DOCK2: variants seen among roughly 807,000 people sequenced by gnomAD.
DOCK2 encodes dedicator of cytokinesis protein 2.
A neutral mutation model predicts 248.9 loss-of-function variants in DOCK2; 87 were observed. The observed-to-expected ratio is 0.35, with a 90% CI of 0.29 to 0.42. The LOEUF (loss-of-function observed/expected upper bound fraction) is 0.42. Among genes scored for constraint, DOCK2 ranks in the 10% least tolerant of loss-of-function variants. The pLI is 1.00. For missense variants in DOCK2, 1,747 were observed against 2,300.2 expected, an observed-to-expected ratio of 0.76 and a Z score of 4.92; for synonymous variants, 805 against 821.6, an observed-to-expected ratio of 0.98 and a Z score of 0.35.
intron 27 of DOCK2, among the ~76,000 whole-genome samples, chr5:169,971,287 C>A (rs552619989): frequency 6.6e-6 from 1 of 152,020 alleles, no homozygotes; most frequent in Non-Finnish European, 1.5e-5. Flanking sequence ...AGAGAAGGAG[C>A]CAGCCTGCCG....
At chr5:169,693,900 T>C (rs779472950) in intron 9 of DOCK2, among the ~76,000 whole-genome samples, 5 of 152,222 alleles carry the variant, frequency 3.3e-5, no homozygotes, top group Non-Finnish European at 7.3e-5. Context: ...GCTGGTTGGA[T>C]GAGGCCCACG....
At chr5:169,706,264 T>C (rs922536837) in intron 14 of DOCK2, among the ~76,000 whole-genome samples, 3 of 152,236 alleles carry the variant, frequency 2.0e-5, no homozygotes, top group Admixed American at 1.3e-4. Flanking sequence ...AGTTTCTGAT[T>C]TGGTAAGCTA....
intron 26 of DOCK2, among the ~76,000 whole-genome samples, chr5:169,831,312 C>T (rs760697428): frequency 2.0e-5 from 3 of 152,178 alleles, no homozygotes; most frequent in African/African-American, 4.8e-5. Context: ...TATCTACCTT[C>T]TCCTCCATTG....
intron 27 of DOCK2, among the ~76,000 whole-genome samples, chr5:169,961,996 T>G (rs77017012): frequency 6.0e-3 from 346 of 57,608 alleles, no homozygotes; most frequent in African/African-American, 9.1e-3. Context: ...AAAAAAAAAA[T>G]GGAGAAAAAG....
At chr5:169,875,066 T>G (rs1413959958) in intron 27 of DOCK2, among the ~76,000 whole-genome samples, 1 of 152,174 alleles carries the variant, frequency 6.6e-6, no homozygotes, top group Non-Finnish European at 1.5e-5. Context: ...AAAGATGTAG[T>G]AAGAACTAAA....
chr5:169,919,145 T>C (rs1775038143), intron 27 of DOCK2, among the ~76,000 whole-genome samples: 1 of 152,358 alleles, frequency 6.6e-6, no homozygotes, highest in South Asian at 2.1e-4. Context: ...AAATGTAATT[T>C]AAAACTTAAA....
chr5:169,885,356 A>G (rs1772913190), intron 27 of DOCK2, among the ~76,000 whole-genome samples: 1 of 152,194 alleles, frequency 6.6e-6, no homozygotes, highest in African/African-American at 2.4e-5. Flanking sequence ...GAATTTGTTG[A>G]AAAAGTGGAT....
In DOCK2 at chr5:169,830,442, C is replaced by T. The variant is rs190483927; in HGVS notation, c.2704-10315C>T. 5.9e-4 allele frequency among the ~76,000 whole-genome samples: 90 copies of T among 152,320 alleles called. 1 individual carries two copies. The East Asian group carries it at 0.014, about 24-fold the overall frequency. On this transcript the variant is annotated intron_variant, in intron 26 of 51. Coordinates refer to ENST00000520908, the MANE Select transcript of DOCK2 (RefSeq NM_004946.3). ...ACAAAGCACACAGCCCATTGCCCAG[C>T]ACATAGTAAGAATTCAACAAATTTA...
At chr5:169,815,523 G>T (rs1040964427) in intron 26 of DOCK2, among the ~76,000 whole-genome samples, 5 of 152,146 alleles carry the variant, frequency 3.3e-5, no homozygotes, top group African/African-American at 1.2e-4. Flanking sequence ...GGCATGGCCT[G>T]GGAGGAAGGG....
intron 44 of DOCK2, among the ~76,000 whole-genome samples, chr5:170,065,464 GAAC>G (rs1283459197): frequency 6.8e-6 from 1 of 146,084 alleles, no homozygotes; most frequent in East Asian, 1.9e-4. Flanking sequence ...TAGAGTGACT[GAAC>G]AACAACAACA....
At chr5:170,060,775 T>C (rs1263880231) in intron 44 of DOCK2, among the ~76,000 whole-genome samples, 1 of 152,018 alleles carries the variant, frequency 6.6e-6, no homozygotes, top group African/African-American at 2.4e-5. Flanking sequence ...CTCATGCCTG[T>C]AATCCCAACA....
At chr5:169,827,423 A>G (rs1296859734) in intron 26 of DOCK2, among the ~76,000 whole-genome samples, 3 of 152,184 alleles carry the variant, frequency 2.0e-5, no homozygotes, top group Non-Finnish European at 4.4e-5. Flanking sequence ...TGCTCCCAGG[A>G]ATACGTGCAC....
chr5:169,935,375 C>T (rs1486445124), intron 27 of DOCK2, among the ~76,000 whole-genome samples: 1 of 152,148 alleles, frequency 6.6e-6, no homozygotes, highest in Non-Finnish European at 1.5e-5. Context: ...ATGGAACCAT[C>T]GCAGAGGCCT....
Position 170,041,113 on chromosome 5 carries a change from T to C in DOCK2, c.3724T>C (p.Tyr1242His). The change falls in exon 37 of 52, where the codon TAC becomes CAC. Residue 1242 changes from tyrosine to histidine, a missense_variant. Tyr to His is a moderately conservative substitution (Grantham distance 83). Around this residue, in one of 4 missense-constraint regions of DOCK2, gnomAD observed 858 missense variants for 1,183.5 expected, o/e 0.72. Transcript: ENST00000520908. Reference sequence around the variant, plus strand: ...CTGTGACAATTACACAGAGGCTGCCTACACGCTCCTTCTCCACACCTGGCT... The same window carrying C: ...CTGTGACAATTACACAGAGGCTGCCCACACGCTCCTTCTCCACACCTGGCT... The part of the protein sequence containing the change: ...LDCDNYTEAA[Y>H]TLLLHTWLLK... The C allele has an allele frequency of 6.2e-7, 1 of 1,614,122 alleles. No individual in the cohort carries two copies. Among genetic ancestry groups the C allele is most frequent in the Non-Finnish European group, 8.5e-7 (1 of 1,180,002 alleles).
At chr5:169,865,704 G>A (rs901089247) in intron 27 of DOCK2, among the ~76,000 whole-genome samples, 4 of 152,224 alleles carry the variant, frequency 2.6e-5, no homozygotes, top group African/African-American at 9.6e-5. Context: ...GGAAGTGGAG[G>A]AAACGTGGTC....
At chr5:170,029,987 G>A (rs1756072125) in intron 34 of DOCK2, among the ~76,000 whole-genome samples, 1 of 152,212 alleles carries the variant, frequency 6.6e-6, no homozygotes, top group East Asian at 1.9e-4. Context: ...TGGCCAGAAG[G>A]AGAAACCCAC....
In DOCK2 at chr5:170,082,816, A is replaced by G; in HGVS notation, c.5451A>G (p.Glu1817=). The change falls in exon 52 of 52, where the codon GAA becomes GAG. Residue 1817 remains glutamate (E), a synonymous_variant. Transcript: ENST00000520908. ...FKTMLASKSA[E]EGKQIPDSLS... ...AAAAGCTGGCCAGCAAATCGGCTGA[A>G]GAAGGCAAACAGATCCCAGACTCGC... is the stretch of plus-strand genomic sequence containing the variant. 1 of 1,614,228 alleles carries G rather than the reference A, an allele frequency of 6.2e-7. No individual in the cohort carries two copies. The highest frequency in any genetic ancestry group is 8.5e-7 in the Non-Finnish European group (1 of 1,180,026).
At chr5:170,064,538 A>G (rs1757430020) in intron 44 of DOCK2, among the ~76,000 whole-genome samples, 5 of 152,052 alleles carry the variant, frequency 3.3e-5, no homozygotes, top group Admixed American at 1.3e-4. Context: ...TCGAAGACAA[A>G]TCACTGGAAA....
At chr5:169,972,632 T>C (rs113316809) in intron 27 of DOCK2, among the ~76,000 whole-genome samples, 57 of 141,254 alleles carry the variant, frequency 4.0e-4, no homozygotes, top group African/African-American at 1.3e-3. Context: ...AGATAGATGA[T>C]AGGTGGATAA....
Sources: allele counts gnomAD v4.1 joint callset (sites outside exome capture counted in the v4.1 genomes callset), GRCh38; gene constraint gnomAD v4.1.1; regional missense constraint gnomAD v4.1.1; transcripts MANE v1.5; gene names NCBI Gene and HGNC (gene_info 2026-07-23, HGNC 2026-07-21).